Variants in LGSN observed in about 807,000 individuals in gnomAD.
LGSN encodes lengsin.
LGSN carries 21 observed loss-of-function variants against 19.5 expected under a neutral mutation model. The ratio of observed to expected loss-of-function variants is 1.07; its 90% CI spans 0.76 to 1.55. LGSN has a LOEUF of 1.55. LGSN is among the 40% of genes most tolerant of loss of function. The pLI is 0.00. For missense variants in LGSN, 673 were observed against 608.5 expected, an observed-to-expected ratio of 1.11 and a Z score of -1.12; for synonymous variants, 257 against 215.6, an observed-to-expected ratio of 1.19 and a Z score of -1.68.
chr6:63,511,344 C>G, the LGSN span, among the ~76,000 whole-genome samples: 10 of 151,780 alleles, frequency 6.6e-5, no homozygotes, highest in Non-Finnish European at 1.2e-4. Context: ...ACCTCCGCCT[C>G]CTATGTTCAA....
rs755690341 is a variant in LGSN at position 63,280,853 on chromosome 6, T to C, written c.698A>G (p.Asn233Ser). ...IISFPALTFL[N>S]NHDQPFMQEL... Reference sequence around the variant, plus strand: ...CTGCATGAAGGGCTGATCATGGTTATTTAAAAATGTTAAAGCAGGAAAAGA... The same window carrying C: ...CTGCATGAAGGGCTGATCATGGTTACTTAAAAATGTTAAAGCAGGAAAAGA... The change falls in exon 4 of 4, where the codon AAT (asparagine) becomes AGT (serine). Residue 233 changes from asparagine to serine, a missense_variant. Coordinates refer to ENST00000370657, the MANE Select transcript of LGSN (RefSeq NM_016571.3). 4.5e-5 allele frequency: 73 copies of C among 1,613,870 alleles called. No homozygotes were observed. Among genetic ancestry groups the C allele is most frequent in the Non-Finnish European group, 5.9e-5 (70 of 1,180,012 alleles).
At chr6:63,550,482 C>T in the LGSN span, 1 of 152,156 alleles carries the variant, frequency 6.6e-6, no homozygotes, top group African/African-American at 2.4e-5. Flanking sequence ...AAGAACCCTG[C>T]TACAGAGAGG....
chr6:63,280,982 C>A lies in LGSN; in HGVS notation c.569G>T (p.Arg190Met). 1 of 1,614,068 alleles carries A rather than the reference C, an allele frequency of 6.2e-7. No individual in the cohort carries two copies. The highest frequency in any genetic ancestry group is 8.5e-7 in the Non-Finnish European group (1 of 1,180,016). Residue 190 changes from arginine (R) to methionine (M), a missense_variant, in exon 4 of 4, where the codon AGG becomes ATG. By Grantham distance (91) the Arg-to-Met change is moderately conservative (BLOSUM62 -1). Transcript: ENST00000370657. ...LLTSPRYIAK[R>M]QLSHLQASGF... is the part of the protein sequence containing the mutation. ...AGAGGCCTGCAGATGGCTCAGCTGC[C>A]TCTTTGCAATGTACCTTGGGGAAGT...
chr6:63,408,166 T>C, the LGSN span, among the ~76,000 whole-genome samples: 511 of 152,260 alleles, frequency 3.4e-3, 5 homozygotes, highest in African/African-American at 0.012. Flanking sequence ...CTTTGCAGAA[T>C]TGGAAAAAAC....
the LGSN span, among the ~76,000 whole-genome samples, chr6:63,477,695 T>C: frequency 3.8e-4 from 42 of 111,950 alleles, no homozygotes; most frequent in Admixed American, 1.0e-3. Flanking sequence ...TTCTTTTTTT[T>C]TTTTTTTTTT....
the LGSN span, among the ~76,000 whole-genome samples, chr6:63,463,827 A>G: frequency 2.6e-5 from 4 of 152,194 alleles, no homozygotes; most frequent in African/African-American, 9.6e-5. Context: ...TGAATATATC[A>G]TCTAATTTAA....
chr6:63,296,995 T>G lies in LGSN; in HGVS notation c.31-1950A>C, dbSNP rs1440582623. On this transcript the variant is annotated intron_variant, in intron 1 of 3. Transcript: ENST00000370657. ...AAACCCGATCAAAAGAGAAAGTTTC[T>G]TAAGAAAAAAAAAAAATTTACCTAG... 2.6e-5 allele frequency among the ~76,000 whole-genome samples: 4 copies of G among 151,898 alleles called. No individual in the cohort carries two copies. The East Asian group carries it at 7.7e-4, about 29-fold the overall frequency.
the LGSN span, among the ~76,000 whole-genome samples, chr6:63,434,604 CAA>C: frequency 9.6e-3 from 603 of 62,916 alleles, 3 homozygotes; most frequent in Middle Eastern, 0.029. Context: ...ACTAAAAATT[CAA>C]AAAAAAAAAA....
the LGSN span, among the ~76,000 whole-genome samples, chr6:63,468,830 CCT>C: frequency 6.6e-6 from 1 of 151,870 alleles, no homozygotes; most frequent in South Asian, 2.1e-4. Context: ...CTCACAGCAA[CCT>C]CTGTCTCCTG....
chr6:63,508,041 T>G, the LGSN span, among the ~76,000 whole-genome samples: 6 of 126,752 alleles, frequency 4.7e-5, no homozygotes, highest in Admixed American at 4.8e-4. Context: ...CCTTCTTTGG[T>G]TATTTCACAA....
At position 63,278,311 on chromosome 6, in the gene LGSN, A is replaced by G. The variant is rs184188703; in HGVS notation, c.*1710T>C. 4 of 152,224 alleles carry G rather than the reference A, an allele frequency of 2.6e-5. No individual in the cohort carries two copies. Among genetic ancestry groups the G allele is most frequent in the African/African-American group, 9.6e-5 (4 of 41,532 alleles). The allele number at this position is 152,224 out of a possible 1,614,324, so 9.4% of individuals were successfully genotyped here. A position where few individuals can be genotyped will look rare whatever the true frequency, so the allele number is the denominator to read the frequency against. ...GAATTTTCTAGCAGACAGCTAGAAA[A>G]TTGGCATGAGAGTCTTCCTTATCCC... On this transcript the variant is annotated 3_prime_UTR_variant, in exon 4 of 4. Transcript: ENST00000370657.
At chr6:63,445,557 G>T in the LGSN span, among the ~76,000 whole-genome samples, 2 of 152,120 alleles carry the variant, frequency 1.3e-5, no homozygotes, top group Non-Finnish European at 2.9e-5. Context: ...GGTGGAGGTT[G>T]CAGTGAGCAG....
intron 3 of LGSN, among the ~76,000 whole-genome samples, chr6:63,283,220 G>A (rs544405448): frequency 5.9e-5 from 9 of 151,840 alleles, no homozygotes; most frequent in Admixed American, 3.3e-4. Context: ...TATTAGTTAC[G>A]GGAAGTATAT....
In LGSN at chr6:63,280,361, C is replaced by T. The variant is rs1767247569; in HGVS notation, c.1190G>A (p.Cys397Tyr). The change falls in exon 4 of 4, where the codon TGT becomes TAT. Residue 397 changes from cysteine (C) to tyrosine (Y), a missense_variant. Transcript: ENST00000370657. ...TATCCGGGTGCCTTTCTCTCCATGA[C>T]ATTTGATATTAAATATACAGCTGTT... Reference protein sequence around the residue: ...NDNSCIFNIKCHGEKGTRIEN... With the variant: ...NDNSCIFNIKYHGEKGTRIEN... The T allele has an allele frequency of 6.2e-7, 1 of 1,614,084 alleles. No homozygotes were observed. The highest frequency in any genetic ancestry group is 1.7e-5 in the Admixed American group (1 of 60,010).
At chr6:63,375,881 C>T in the LGSN span, among the ~76,000 whole-genome samples, 554 of 152,228 alleles carry the variant, frequency 3.6e-3, 4 homozygotes, top group African/African-American at 0.013. Context: ...TGAGCATATA[C>T]TATGTTGTAG....
At chr6:63,351,545 G>GCCT in the LGSN span, among the ~76,000 whole-genome samples, 1 of 152,018 alleles carries the variant, frequency 6.6e-6, no homozygotes, top group Non-Finnish European at 1.5e-5. Context: ...TGCAACCTCT[G>GCCT]CCTCCCAGGT....
the LGSN span, among the ~76,000 whole-genome samples, chr6:63,509,230 A>G: frequency 5.3e-5 from 8 of 151,776 alleles, no homozygotes; most frequent in Non-Finnish European, 4.4e-5. Context: ...ACTTCTGGCT[A>G]ATTTTTGCAG....
the LGSN span, among the ~76,000 whole-genome samples, chr6:63,556,216 G>T: frequency 6.6e-6 from 1 of 151,814 alleles, no homozygotes; most frequent in Non-Finnish European, 1.5e-5. Context: ...CTTTGTTGCA[G>T]TGCCACAATC....
the LGSN span, among the ~76,000 whole-genome samples, chr6:63,423,776 G>A: frequency 6.6e-6 from 1 of 152,168 alleles, no homozygotes; most frequent in African/African-American, 2.4e-5. Flanking sequence ...GATGGCTCAC[G>A]CCTATAATCC....
Sources: allele counts gnomAD v4.1 joint callset (sites outside exome capture counted in the v4.1 genomes callset), GRCh38; gene constraint gnomAD v4.1.1; transcripts MANE v1.5; gene names NCBI Gene and HGNC (gene_info 2026-07-23, HGNC 2026-07-21).